TTC16: variants seen among roughly 807,000 people sequenced by gnomAD.
TTC16 encodes tetratricopeptide repeat domain 16, also known as tetratricopeptide repeat protein 16.
A neutral mutation model predicts 80.4 loss-of-function variants in TTC16; 66 were observed. The ratio of observed to expected loss-of-function variants is 0.82; its 90% CI spans 0.67 to 1.01. The LOEUF (loss-of-function observed/expected upper bound fraction) is 1.01, where lower values mean the gene tolerates loss of function less well. TTC16 is among the 50% of genes least tolerant of loss of function. TTC16 has a pLI of 0.00. For missense variants in TTC16, 1,070 were observed against 1,103.2 expected (o/e 0.97, Z 0.43); for synonymous variants, 438 against 451.3 (o/e 0.97, Z 0.37).
Position 127,731,236 on chromosome 9 carries a change from C to T in TTC16, c.2453C>T (p.Thr818Ile), listed in dbSNP as rs770105066. The change falls in exon 14 of 14, where the codon ACT becomes ATT. Residue 818 changes from threonine to isoleucine, a missense_variant. Transcript: ENST00000373289. Reference sequence around the variant, plus strand: ...GACTCAAACTGGAGCCTCAGCAAAACTGAGTATGCCCAAGGCCAGGGCCAG... The same window carrying T: ...GACTCAAACTGGAGCCTCAGCAAAATTGAGTATGCCCAAGGCCAGGGCCAG... ...FYDSNWSLSK[T>I]EYAQGQGQRS... The T allele has an allele frequency of 5.0e-6, 8 of 1,613,032 alleles. No individual in the cohort carries two copies. In the Admixed American group the frequency reaches 5.0e-5, roughly 10 times the overall value.
rs1843570211 is a variant in TTC16, at chr9:127,722,237, C to G, written c.658-882C>G. ...CCTGCCATTTCCCTCCCTCCCTCCA[C>G]CCACACCTGCTGTCCACACCATCCC... On this transcript the variant is annotated intron_variant, in intron 6 of 13. Coordinates refer to ENST00000373289, the MANE Select transcript of TTC16 (RefSeq NM_144965.3). This position sits in a 1 kb window ranked among gnomAD's most constrained non-coding sequence, Gnocchi z 4.2. Among the ~76,000 whole-genome samples, 1 of 152,182 alleles carries G rather than the reference C, an allele frequency of 6.6e-6. No individual in the cohort carries two copies. The highest frequency in any genetic ancestry group is 1.5e-5 in the Non-Finnish European group (1 of 68,026).
chr9:127,717,717 T>C lies in TTC16; in HGVS notation c.371T>C (p.Leu124Ser). The C allele has an allele frequency of 2.5e-6, 4 of 1,613,918 alleles. No homozygotes were observed. The highest frequency in any genetic ancestry group is 3.4e-6 in the Non-Finnish European group (4 of 1,180,008). Reference protein sequence around the residue: ...AAQNLRRAYSLQQDNCKHLER... With the variant: ...AAQNLRRAYSSQQDNCKHLER... ...CAGAACCTGCGAAGGGCCTACTCAT[T>C]ACAGCAGGACAACTGCAAGCACCTG... The change falls in exon 4 of 14, where the codon TTA becomes TCA. Residue 124 changes from leucine (L) to serine (S), a missense_variant. Coordinates refer to ENST00000373289, the MANE Select transcript of TTC16 (RefSeq NM_144965.3).
Position 127,730,888 on chromosome 9 carries a change from T to C in TTC16, c.2105T>C (p.Ile702Thr), listed in dbSNP as rs138566840. ...RRNSSKTKAT[I>T]HKRNSSKTKA... ...AACTCCAGCAAGACCAAGGCCACTA[T>C]ACACAAGAGGAACTCCAGCAAGACC... Residue 702 changes from isoleucine to threonine, a missense_variant, in exon 14 of 14, where the codon ATA becomes ACA. By Grantham distance (89) the Ile-to-Thr change is moderately conservative. Coordinates refer to ENST00000373289, the MANE Select transcript of TTC16 (RefSeq NM_144965.3). 66 of 1,606,534 alleles carry C rather than the reference T, an allele frequency of 4.1e-5. No homozygotes were observed. In the Middle Eastern group the frequency reaches 5.0e-4, roughly 12 times the overall value.
Position 127,730,626 on chromosome 9 carries a change from C to T in TTC16, c.1853-10C>T, listed in dbSNP as rs372205689. 580 of 1,609,878 alleles carry T rather than the reference C, an allele frequency of 3.6e-4. 2 individuals are homozygous for T. In the South Asian group the frequency reaches 3.7e-3, roughly 10 times the overall value. On this transcript the variant is annotated splice_polypyrimidine_tract_variant and intron_variant, in intron 13 of 13. Transcript: ENST00000373289. ...AGGCCTGATGGGTGCTTTTGGCACC[C>T]CCTTCCTAGTCAGGACCACAGGCAC...
rs199762451 is a variant in TTC16 at position 127,723,225 on chromosome 9, G to T, written c.764G>T (p.Arg255Leu). 5.0e-6 allele frequency: 8 copies of T among 1,612,752 alleles called. No homozygotes were observed. In the African/African-American group the frequency reaches 8.0e-5, roughly 16 times the overall value. Residue 255 changes from arginine (R) to leucine (L), a missense_variant, in exon 7 of 14, where the codon CGC (arginine) becomes CTC (leucine). Physicochemically the swap from Arg to Leu is moderately radical, Grantham distance 102. Transcript: ENST00000373289. ...QKMVAQAQQARQDAGILAVQG... is the reference protein window; with the variant it reads ...QKMVAQAQQALQDAGILAVQG... ...ATGGTGGCCCAGGCCCAGCAGGCGCGCCAAGATGCGGGGATCCTGGCTGTG... is the reference window on the plus strand; with the variant it reads ...ATGGTGGCCCAGGCCCAGCAGGCGCTCCAAGATGCGGGGATCCTGGCTGTG...
intron 7 of TTC16, among the ~76,000 whole-genome samples, chr9:127,723,874 C>T (rs1380234223): frequency 6.0e-5 from 9 of 149,944 alleles, no homozygotes; most frequent in African/African-American, 2.2e-4. Flanking sequence ...GACTGGCATA[C>T]ACCTGGCTCC....
rs1843121513 is a variant in TTC16, at chr9:127,717,383, G to C, written c.241G>C (p.Val81Leu). ...CLEQADWETAVLLFSRALHLD... is the reference protein window; with the variant it reads ...CLEQADWETALLLFSRALHLD... ...GGAGCAGGCAGACTGGGAGACAGCT[G>C]TGCTGCTCTTCTCCCGCGCACTCCA... is the stretch of plus-strand genomic sequence containing the variant. The change falls in exon 3 of 14, where the codon GTG becomes CTG. Residue 81 changes from valine to leucine, a missense_variant. Val to Leu is a conservative substitution (Grantham distance 32, BLOSUM62 1). Coordinates refer to ENST00000373289, the MANE Select transcript of TTC16 (RefSeq NM_144965.3). 6.2e-7 allele frequency: 1 copy of C among 1,613,204 alleles called. No homozygotes were observed. Among genetic ancestry groups the C allele is most frequent in the Non-Finnish European group, 8.5e-7 (1 of 1,180,020 alleles).
intron 6 of TTC16, among the ~76,000 whole-genome samples, chr9:127,721,882 A>G (rs2131640773): frequency 6.6e-6 from 1 of 152,100 alleles, no homozygotes; most frequent in Non-Finnish European, 1.5e-5. Flanking sequence ...TTTAGGAGAG[A>G]CAAGGTTTCG....
Position 127,722,657 on chromosome 9 carries a change from T to C in TTC16, c.658-462T>C, listed in dbSNP as rs1417820125. 6.6e-6 allele frequency among the ~76,000 whole-genome samples: 1 copy of C among 152,024 alleles called. No homozygotes were observed. Among genetic ancestry groups the C allele is most frequent in the South Asian group, 2.1e-4 (1 of 4,822 alleles). ...TTTCTCCACGATGCTCCCTGTCTCC[T>C]TCAAGAGGCAGAAAGGGGCCAGGCA... On this transcript the variant is annotated intron_variant, in intron 6 of 13. Transcript: ENST00000373289. The surrounding 1 kb of genome is among the most constrained non-coding windows in gnomAD (Gnocchi z 4.2).
chr9:127,729,947 G>A, intron 13 of TTC16: 1 of 442,132 alleles, frequency 2.3e-6, no homozygotes, highest in East Asian at 4.4e-5. Flanking sequence ...GCATGGCCAG[G>A]GGGCTTTTAG....
Position 127,727,022 on chromosome 9 carries a change from T to G in TTC16, c.1478T>G (p.Leu493Arg). 2 of 1,612,888 alleles carry G rather than the reference T, an allele frequency of 1.2e-6. No individual in the cohort carries two copies. The highest frequency in any genetic ancestry group is 1.7e-6 in the Non-Finnish European group (2 of 1,179,992). Residue 493 changes from leucine (L) to arginine (R), a missense_variant, in exon 11 of 14, where the codon CTT (leucine) becomes CGT (arginine). Transcript: ENST00000373289. ...LFPGMSVEEV[L>R]STQIAHLARL... ...CCGGGCATGTCGGTGGAGGAGGTGCTTAGCACCCAGATAGCCCACCTGGCC... is the reference window on the plus strand; with the variant it reads ...CCGGGCATGTCGGTGGAGGAGGTGCGTAGCACCCAGATAGCCCACCTGGCC...
chr9:127,730,340 C>T, intron 13 of TTC16: 1 of 457,788 alleles, frequency 2.2e-6, no homozygotes, highest in Non-Finnish European at 3.9e-6. Context: ...CGGGGGGACG[C>T]AGGGGCCCTG....
intron 8 of TTC16, 84 bp from the exon 9 acceptor site, chr9:127,724,672 T>G (rs1261959127): frequency 2.4e-5 from 36 of 1,525,074 alleles, no homozygotes; most frequent in South Asian, 1.4e-4. Flanking sequence ...TTTCAGGCCC[T>G]GGCCCCCGGG....
intron 9 of TTC16, among the ~76,000 whole-genome samples, chr9:127,725,635 T>C (rs1446188319): frequency 6.6e-6 from 1 of 151,270 alleles, no homozygotes; most frequent in East Asian, 2.0e-4. Flanking sequence ...AGTCTCACTC[T>C]GTTGCCCAGA....
intron 4 of TTC16, 93 bp downstream of exon 4, chr9:127,717,865 T>A (rs944112381): frequency 4.9e-5 from 71 of 1,456,218 alleles, no homozygotes; most frequent in Non-Finnish European, 6.1e-5. Flanking sequence ...CTCCTTAGAT[T>A]CCTCCTTGTC....
rs920355851 is a variant in TTC16, at chr9:127,717,618, C to G, written c.283-11C>G. 3.4e-5 allele frequency: 55 copies of G among 1,612,600 alleles called. No homozygotes were observed. The highest frequency in any genetic ancestry group is 4.1e-5 in the Non-Finnish European group (48 of 1,179,308). Reference sequence around the variant, plus strand: ...GGGAGGATCTAGCAGCCTGGGTCCCCTCACCCTCAGGTGGACTTCTATGCC... The same window carrying G: ...GGGAGGATCTAGCAGCCTGGGTCCCGTCACCCTCAGGTGGACTTCTATGCC... On this transcript the variant is annotated splice_polypyrimidine_tract_variant and intron_variant, in intron 3 of 13. Coordinates refer to ENST00000373289, the MANE Select transcript of TTC16 (RefSeq NM_144965.3).
chr9:127,726,427 G>A (rs368251304), intron 10 of TTC16, 23 bp downstream of exon 10: 26 of 1,568,234 alleles, frequency 1.7e-5, no homozygotes, highest in Admixed American at 5.4e-5. Flanking sequence ...CACGTCAGGA[G>A]TGTAGGCTCC....
Position 127,726,993 on chromosome 9 carries a change from C to T in TTC16, c.1449C>T (p.Leu483=), listed in dbSNP as rs753196240. The T allele has an allele frequency of 6.2e-7, 1 of 1,613,276 alleles. No homozygotes were observed. The highest frequency in any genetic ancestry group is 1.7e-5 in the Admixed American group (1 of 60,028). ...AGCTGTCCCTGCTGATGACCAACCT[C>T]TTCCCGGGCATGTCGGTGGAGGAGG... is the stretch of plus-strand genomic sequence containing the variant. ...QPKLSLLMTN[L]FPGMSVEEVL... Residue 483 remains leucine (L), a synonymous_variant, in exon 11 of 14, where the codon CTC becomes CTT. Transcript: ENST00000373289.
intron 2 of TTC16, 132 bp from the exon 3 acceptor site, chr9:127,717,202 C>G (rs753258826): frequency 2.5e-6 from 3 of 1,179,686 alleles, no homozygotes; most frequent in Non-Finnish European, 3.7e-6. Flanking sequence ...GCCTGCCCTC[C>G]CTGGGCTTCT....
Sources: gnomAD v4.1 joint callset for allele counts (sites outside exome capture counted in the v4.1 genomes callset) on GRCh38, gnomAD v4.1.1 for gene constraint, Gnocchi (gnomAD v3.1) non-coding constraint, MANE v1.5 for transcripts, NCBI Gene and HGNC (gene_info 2026-07-23, HGNC 2026-07-21) for gene names.